MDGA2: variants seen among roughly 807,000 people sequenced by gnomAD.
The protein encoded by MDGA2 is MAM domain containing glycosylphosphatidylinositol anchor 2.
Under a neutral mutation model 117.8 loss-of-function variants are expected in MDGA2, and 40 were observed. That is an observed-to-expected ratio of 0.34 (90% CI 0.26 to 0.44). The LOEUF (loss-of-function observed/expected upper bound fraction) is 0.44, where lower values mean the gene tolerates loss of function less well. Ranked by LOEUF, MDGA2 falls within the 20% of genes least tolerant of loss-of-function variation. The probability of loss-of-function intolerance (pLI) is 1.00; values close to 1 mark genes in which losing one functional copy is unlikely to be tolerated. For missense variants in MDGA2, 1,123 were observed against 1,250.6 expected, an observed-to-expected ratio of 0.90 and a Z score of 1.54; for synonymous variants, 452 against 439.0, an observed-to-expected ratio of 1.03 and a Z score of -0.37.
chr14:46,911,090 C>T (rs544321981), intron 10 of MDGA2, among the ~76,000 whole-genome samples: 1 of 152,010 alleles, frequency 6.6e-6, no homozygotes, highest in Non-Finnish European at 1.5e-5. Flanking sequence ...ACAACAAACC[C>T]CCATGAAACA....
intron 3 of MDGA2, among the ~76,000 whole-genome samples, chr14:47,183,840 G>A (rs1884804359): frequency 2.0e-5 from 3 of 151,982 alleles, no homozygotes; most frequent in South Asian, 4.2e-4. Flanking sequence ...AAAATCCCCT[G>A]GGCTCTCTTG....
chr14:47,387,657 A>C (rs1165997642), intron 1 of MDGA2, among the ~76,000 whole-genome samples: 1 of 152,190 alleles, frequency 6.6e-6, no homozygotes, highest in South Asian at 2.1e-4. Context: ...GGCAGAAAAC[A>C]CTTCTTTGCC....
intron 5 of MDGA2, among the ~76,000 whole-genome samples, chr14:47,100,855 C>T (rs1295129045): frequency 6.6e-6 from 1 of 152,096 alleles, no homozygotes; most frequent in Non-Finnish European, 1.5e-5. Context: ...ATTCCAACTA[C>T]ACCACCAGCT....
intron 1 of MDGA2, among the ~76,000 whole-genome samples, chr14:47,623,769 G>A (rs921843515): frequency 1.3e-5 from 2 of 152,148 alleles, no homozygotes; most frequent in South Asian, 4.2e-4. Flanking sequence ...AGTTTGTAAT[G>A]GATTATAATT....
At chr14:47,378,751 T>C (rs370927182) in intron 1 of MDGA2, among the ~76,000 whole-genome samples, 31 of 152,278 alleles carry the variant, frequency 2.0e-4, no homozygotes, top group African/African-American at 7.2e-4. Context: ...TTGGTGTACA[T>C]TAAAGTGGCA....
chr14:47,169,199 A>T (rs1884018264), intron 3 of MDGA2, among the ~76,000 whole-genome samples: 1 of 152,014 alleles, frequency 6.6e-6, no homozygotes, highest in Admixed American at 6.6e-5. Flanking sequence ...GAGTATATTG[A>T]ATCTCAGCTT....
At chr14:46,883,118 T>A (rs1882529410) in intron 10 of MDGA2, among the ~76,000 whole-genome samples, 1 of 152,088 alleles carries the variant, frequency 6.6e-6, no homozygotes, top group African/African-American at 2.4e-5. Flanking sequence ...ACTCTCCAGC[T>A]ATGTTATTTA....
Position 46,977,404 on chromosome 14 carries a change from GA to G in MDGA2, c.1820-19762del, listed in dbSNP as rs568814211. Among the ~76,000 whole-genome samples the G allele has an allele frequency of 2.8e-4, 43 of 151,834 alleles. No homozygotes were observed. In the South Asian group the frequency reaches 5.8e-3, roughly 21 times the overall value. On this transcript the variant is annotated intron_variant, in intron 8 of 16. Transcript: ENST00000399232. ...TAATGCAAGAAAAAAAATAAAAGATGAAAACAGAGACTTCATTTTCTAGAAT... is the reference window on the plus strand; with the variant it reads ...TAATGCAAGAAAAAAAATAAAAGATGAAACAGAGACTTCATTTTCTAGAAT...
At chr14:46,944,566 T>G (rs1197208988) in intron 9 of MDGA2, among the ~76,000 whole-genome samples, 1 of 151,984 alleles carries the variant, frequency 6.6e-6, no homozygotes, top group Non-Finnish European at 1.5e-5. Flanking sequence ...GAACTTCAAG[T>G]GCACCTGTTT....
intron 7 of MDGA2, among the ~76,000 whole-genome samples, chr14:47,039,905 GCT>G (rs574067813): frequency 6.7e-6 from 1 of 149,430 alleles, no homozygotes; most frequent in East Asian, 1.9e-4. Flanking sequence ...AGCTCTCTTG[GCT>G]CTCTCTCACA....
At chr14:47,416,120 C>A (rs538772272) in intron 1 of MDGA2, among the ~76,000 whole-genome samples, 7 of 152,212 alleles carry the variant, frequency 4.6e-5, no homozygotes, top group African/African-American at 1.7e-4. Context: ...AACTCACAAA[C>A]CTAAGTTTAG....
chr14:47,582,685 C>T (rs1324204620), intron 1 of MDGA2, among the ~76,000 whole-genome samples: 2 of 151,820 alleles, frequency 1.3e-5, no homozygotes, highest in Admixed American at 1.3e-4. Context: ...CAGGATGTAT[C>T]GATGCTAGGC....
At chr14:47,157,539 A>G (rs1035738749) in intron 3 of MDGA2, among the ~76,000 whole-genome samples, 2 of 151,930 alleles carry the variant, frequency 1.3e-5, no homozygotes, top group Admixed American at 1.3e-4. Context: ...ATTTTCTATC[A>G]AACTCCTGAA....
Position 47,218,104 on chromosome 14 carries a change from C to T in MDGA2, c.512G>A (p.Arg171Gln), listed in dbSNP as rs1216016290. 3.2e-6 allele frequency: 5 copies of T among 1,551,232 alleles called. No individual in the cohort carries two copies. Among genetic ancestry groups the T allele is most frequent in the Admixed American group, 2.0e-5 (1 of 50,940 alleles). ...NETLRITNIQRHQGGRYYCKA... is the reference protein window; with the variant it reads ...NETLRITNIQQHQGGRYYCKA... ...ACAGTAATACCGGCCTCCTTGGTGT[C>T]GCTGAATATTTGTAATCCTCAAAGT... Residue 171 changes from arginine (R) to glutamine (Q), a missense_variant, in exon 3 of 17, where the codon CGA (arginine) becomes CAA (glutamine). Around this residue, in one of 2 missense-constraint regions of MDGA2, gnomAD observed 890 missense variants for 1,050.3 expected, o/e 0.85. Coordinates refer to ENST00000399232, the MANE Select transcript of MDGA2 (RefSeq NM_001113498.3).
chr14:47,328,076 T>C (rs1221026447), intron 1 of MDGA2, among the ~76,000 whole-genome samples: 2 of 152,168 alleles, frequency 1.3e-5, no homozygotes, highest in African/African-American at 4.8e-5. Flanking sequence ...GAAACACTGT[T>C]CTTCCTATGA....
At chr14:47,525,621 G>T (rs1230305079) in intron 1 of MDGA2, among the ~76,000 whole-genome samples, 3 of 151,970 alleles carry the variant, frequency 2.0e-5, no homozygotes, top group Admixed American at 6.6e-5. Context: ...GAAGGCAGAG[G>T]TTGCGGTGAA....
At chr14:47,623,042 G>A (rs144886042) in intron 1 of MDGA2, among the ~76,000 whole-genome samples, 2 of 152,152 alleles carry the variant, frequency 1.3e-5, no homozygotes, top group South Asian at 2.1e-4. Context: ...TGAGAAGTGG[G>A]ACTATTCAGA....
intron 1 of MDGA2, among the ~76,000 whole-genome samples, chr14:47,381,832 G>A (rs1891635915): frequency 6.6e-6 from 1 of 152,112 alleles, no homozygotes; most frequent in South Asian, 2.1e-4. Flanking sequence ...AGCTACCAAT[G>A]ACTTTCTTCA....
At chr14:47,429,322 A>G (rs1892753552) in intron 1 of MDGA2, among the ~76,000 whole-genome samples, 1 of 152,072 alleles carries the variant, frequency 6.6e-6, no homozygotes, top group Admixed American at 6.6e-5. Flanking sequence ...ATGTGCATAT[A>G]TGTCAAAGGA....
Sources: allele counts gnomAD v4.1 joint callset (sites outside exome capture counted in the v4.1 genomes callset), GRCh38; gene constraint gnomAD v4.1.1; regional missense constraint gnomAD v4.1.1; transcripts MANE v1.5; gene names NCBI Gene and HGNC (gene_info 2026-07-23, HGNC 2026-07-21).